Variants in ZSWIM4 observed in about 807,000 individuals in gnomAD.
The protein encoded by ZSWIM4 is zinc finger SWIM domain-containing protein 4.
A neutral mutation model predicts 102.5 loss-of-function variants in ZSWIM4; 62 were observed. That is an observed-to-expected ratio of 0.60 (90% CI 0.49 to 0.75). The LOEUF (loss-of-function observed/expected upper bound fraction) is 0.75, where lower values mean the gene tolerates loss of function less well. ZSWIM4 is among the 30% of genes least tolerant of loss of function. ZSWIM4 has a pLI of 0.00. For missense variants in ZSWIM4, 1,280 were observed against 1,529.6 expected, an observed-to-expected ratio of 0.84 and a Z score of 2.72; for synonymous variants, 652 against 674.5, an observed-to-expected ratio of 0.97 and a Z score of 0.52.
intron 10 of ZSWIM4, 114 bp downstream of exon 10, chr19:13,819,606 A>G: frequency 1.6e-6 from 2 of 1,245,006 alleles, no homozygotes. Flanking sequence ...TAGTTAATTC[A>G]GTCTCTCTCA....
intron 6 of ZSWIM4, among the ~76,000 whole-genome samples, chr19:13,814,049 A>G (rs1975191459): frequency 6.6e-6 from 1 of 151,036 alleles, no homozygotes; most frequent in Non-Finnish European, 1.5e-5. Flanking sequence ...CTCCTAACAC[A>G]TACACGCATC....
Position 13,819,433 on chromosome 19 carries a change from C to G in ZSWIM4, c.2001C>G (p.Phe667Leu). Residue 667 changes from phenylalanine (F) to leucine (L), a missense_variant, in exon 10 of 14, where the codon TTC (phenylalanine) becomes TTG (leucine). Physicochemically the swap from Phe to Leu is conservative, Grantham distance 22. Transcript: ENST00000590508. Reference sequence around the variant, plus strand: ...TGCACACCTGTGCCCGCTACCTGTTCACCGCACTGCTGCCTCATGACCCGG... The same window carrying G: ...TGCACACCTGTGCCCGCTACCTGTTGACCGCACTGCTGCCTCATGACCCGG... ...VPMHTCARYL[F>L]TALLPHDPDL... is the part of the protein sequence containing the mutation. The G allele has an allele frequency of 6.2e-7, 1 of 1,610,896 alleles. No individual in the cohort carries two copies. Among genetic ancestry groups the G allele is most frequent in the Non-Finnish European group, 8.5e-7 (1 of 1,178,698 alleles).
Position 13,805,167 on chromosome 19 carries a change from T to C in ZSWIM4, c.712+19T>C, listed in dbSNP as rs780228500. 5 of 1,582,222 alleles carry C rather than the reference T, an allele frequency of 3.2e-6. No homozygotes were observed. The South Asian group carries it at 4.4e-5, about 14-fold the overall frequency. On this transcript the variant is annotated intron_variant, in intron 3 of 13. Coordinates refer to ENST00000590508, the MANE Select transcript of ZSWIM4 (RefSeq NM_001367834.3). ...GTGAATGGTAAGGGCACCCCGGGGGTCCGGTGGGGAGAGGATGCCCAAGCG... is the reference window on the plus strand; with the variant it reads ...GTGAATGGTAAGGGCACCCCGGGGGCCCGGTGGGGAGAGGATGCCCAAGCG...
At chr19:13,810,148 C>T (rs1975037804) in intron 5 of ZSWIM4, among the ~76,000 whole-genome samples, 1 of 151,916 alleles carries the variant, frequency 6.6e-6, no homozygotes, top group East Asian at 1.9e-4. Flanking sequence ...GCACCCGCCA[C>T]TAAGTCCGGC....
At chr19:13,829,737 A>G (rs1288611839) in intron 13 of ZSWIM4, among the ~76,000 whole-genome samples, 1 of 152,026 alleles carries the variant, frequency 6.6e-6, no homozygotes, top group Admixed American at 6.6e-5. Flanking sequence ...AGGCAGGAGA[A>G]TGGCGTGAAC....
Position 13,825,572 on chromosome 19 carries a change from G to C in ZSWIM4, c.2238G>C (p.Thr746=). Residue 746 remains threonine, a synonymous_variant, in exon 12 of 14, where the codon ACG becomes ACC. Transcript: ENST00000590508. This position sits in a 1 kb window ranked among gnomAD's most constrained non-coding sequence, Gnocchi z 4.6. ...AAKGDPKWLH[T]VLGSIQQNIH... ...CAGGAGACCCCAAGTGGCTGCACAC[G>C]GTACTGGGCTCCATCCAGCAGAACA... The C allele has an allele frequency of 6.2e-7, 1 of 1,614,146 alleles. No individual in the cohort carries two copies.
chr19:13,799,073 G>A (rs74963241), intron 1 of ZSWIM4, among the ~76,000 whole-genome samples: 6,344 of 151,832 alleles, frequency 0.042, 195 homozygotes, highest in East Asian at 0.13. Flanking sequence ...GCAGGCATGA[G>A]CCACTGCCCT....
chr19:13,818,278 A>C (rs1236811175), intron 9 of ZSWIM4, among the ~76,000 whole-genome samples: 1 of 152,052 alleles, frequency 6.6e-6, no homozygotes, highest in African/African-American at 2.4e-5. Flanking sequence ...TCCCACCTTC[A>C]TCCGCAACTT....
At chr19:13,804,680 C>T (rs1974865403) in intron 2 of ZSWIM4, 112 bp from the exon 3 acceptor site, 2 of 808,490 alleles carry the variant, frequency 2.5e-6, no homozygotes, top group Admixed American at 2.4e-5. Context: ...AGTGAGGTGA[C>T]TTGTGCTAGT....
chr19:13,809,300 T>C lies in ZSWIM4; in HGVS notation c.1012+80T>C. On this transcript the variant is annotated intron_variant, in intron 5 of 13. Coordinates refer to ENST00000590508, the MANE Select transcript of ZSWIM4 (RefSeq NM_001367834.3). This position sits in a 1 kb window ranked among gnomAD's most constrained non-coding sequence, Gnocchi z 4.2. ...GCTGGCCCACTCCAAGATTAGGGTC[T>C]GTTCCCTGAATCCGCCCTCCATTCG... 9.4e-6 allele frequency: 14 copies of C among 1,495,814 alleles called. No homozygotes were observed. The highest frequency in any genetic ancestry group is 1.2e-5 in the Non-Finnish European group (14 of 1,126,720). The allele number at this position is 1,495,814 out of a possible 1,614,324, so 92.7% of individuals were successfully genotyped here.
intron 12 of ZSWIM4, among the ~76,000 whole-genome samples, chr19:13,826,696 G>A (rs1044199245): frequency 6.6e-6 from 1 of 151,998 alleles, no homozygotes; most frequent in Non-Finnish European, 1.5e-5. Flanking sequence ...ACCCAGGAGG[G>A]AGAGGTTGCA....
intron 1 of ZSWIM4, among the ~76,000 whole-genome samples, chr19:13,798,500 G>C (rs1429597438): frequency 6.6e-6 from 1 of 152,170 alleles, no homozygotes; most frequent in South Asian, 2.1e-4. Flanking sequence ...CCAAAGCCTG[G>C]TGGGTGGGAA....
chr19:13,796,973 C>T (rs1299499025), intron 1 of ZSWIM4: 1 of 152,350 alleles, frequency 6.6e-6, no homozygotes, highest in Non-Finnish European at 1.5e-5. Flanking sequence ...GCCAACTGTC[C>T]CTGAGGCCTG....
chr19:13,799,147 C>G (rs986038776), intron 1 of ZSWIM4, among the ~76,000 whole-genome samples: 6 of 151,898 alleles, frequency 4.0e-5, no homozygotes, highest in African/African-American at 1.5e-4. Flanking sequence ...CTGGTGCAAT[C>G]ATGGCTCACT....
rs530142499 is a variant in ZSWIM4 at position 13,801,959 on chromosome 19, A to C, written c.355+2038A>C. Among the ~76,000 whole-genome samples, 20 of 141,530 alleles carry C rather than the reference A, an allele frequency of 1.4e-4. 3 individuals are homozygous for C. The South Asian group carries it at 4.3e-3, about 31-fold the overall frequency. The allele number at this position is 141,530 out of a possible 152,430, so 92.8% of individuals were successfully genotyped here. ...GCTGGGATTACAGGTGTGAGCCACC[A>C]TGCCCAGCTTAGAATTTTTTTTTTT... On this transcript the variant is annotated intron_variant, in intron 2 of 13. Coordinates refer to ENST00000590508, the MANE Select transcript of ZSWIM4 (RefSeq NM_001367834.3).
At chr19:13,824,515 T>C (rs1047158729) in intron 11 of ZSWIM4, among the ~76,000 whole-genome samples, 1 of 151,942 alleles carries the variant, frequency 6.6e-6, no homozygotes, top group Non-Finnish European at 1.5e-5. Flanking sequence ...GGGGATCACC[T>C]GAGGTCAGGA....
At chr19:13,819,530 G>T in intron 10 of ZSWIM4, 38 bp downstream of exon 10, 1 of 1,550,516 alleles carries the variant, frequency 6.4e-7, no homozygotes, top group South Asian at 1.2e-5. Flanking sequence ...AGGGGGAGCT[G>T]GGGGGAAGAG....
At position 13,799,778 on chromosome 19, in the gene ZSWIM4, C is replaced by T; in HGVS notation, c.212C>T (p.Ser71Leu). 1 of 1,614,036 alleles carries T rather than the reference C, an allele frequency of 6.2e-7. No individual in the cohort carries two copies. The highest frequency in any genetic ancestry group is 8.5e-7 in the Non-Finnish European group (1 of 1,180,018). The change falls in exon 2 of 14, where the codon TCG becomes TTG. Residue 71 changes from serine to leucine, a missense_variant. Transcript: ENST00000590508. ...GTCCAGAAGCGCATCGTGTTTTGGT[C>T]GTTTCCACGCAGTGAACGGGAAATA... ...EPVQKRIVFW[S>L]FPRSEREICM...
intron 6 of ZSWIM4, 40 bp downstream of exon 6, chr19:13,813,204 T>A (rs1412702898): frequency 1.3e-6 from 2 of 1,531,974 alleles, no homozygotes; most frequent in Non-Finnish European, 1.8e-6. Flanking sequence ...CCAAAAACCA[T>A]CACCACTAAC....
Sources: allele counts gnomAD v4.1 joint callset (sites outside exome capture counted in the v4.1 genomes callset), GRCh38; gene constraint gnomAD v4.1.1; non-coding constraint Gnocchi (gnomAD v3.1); transcripts MANE v1.5; gene names NCBI Gene and HGNC (gene_info 2026-07-23, HGNC 2026-07-21).